SLC4A5: variants seen among roughly 807,000 people sequenced by gnomAD.
The protein encoded by SLC4A5 is electrogenic sodium bicarbonate cotransporter 4.
In SLC4A5, 96 loss-of-function variants were observed where a neutral mutation model predicts 120.4. The observed-to-expected ratio is 0.80, with a 90% CI of 0.68 to 0.94. The LOEUF (loss-of-function observed/expected upper bound fraction) is 0.94. SLC4A5 is among the 40% of genes least tolerant of loss of function. The pLI is 0.00. For missense variants in SLC4A5, 1,259 were observed against 1,459.5 expected (o/e 0.86, Z 2.24); for synonymous variants, 550 against 571.1 (o/e 0.96, Z 0.53).
At chr2:74,314,955 C>T (rs370912154) in exon 6 of SLC4A5, 64 of 1,613,550 alleles carry the variant, frequency 4.0e-5, no homozygotes, top group African/African-American at 2.3e-4. Context: ...CTTTCTGATC[C>T]GGAAATCTCC....
At chr2:74,339,524 G>A (rs550673253) in intron 2 of SLC4A5, 2 of 152,176 alleles carry the variant, frequency 1.3e-5, no homozygotes, top group African/African-American at 4.8e-5. Context: ...TATGGGTACA[G>A]TATGGTCTCT....
chr2:74,261,712 T>C (rs1262164794), intron 11 of SLC4A5, among the ~76,000 whole-genome samples: 2 of 152,288 alleles, frequency 1.3e-5, no homozygotes, highest in East Asian at 3.9e-4. Flanking sequence ...TTCTTCTCCA[T>C]GGTGGCATGA....
intron 18 of SLC4A5, 83 bp from the exon 19 acceptor site, chr2:74,247,390 T>C: frequency 1.4e-6 from 2 of 1,433,906 alleles, no homozygotes; most frequent in Non-Finnish European, 9.4e-7. Flanking sequence ...CTTAAGTGGC[T>C]TATCTGTCCT....
chr2:74,253,902 T>C (rs1444395040), intron 14 of SLC4A5, among the ~76,000 whole-genome samples: 2 of 152,232 alleles, frequency 1.3e-5, no homozygotes, highest in Non-Finnish European at 2.9e-5. Context: ...GATTGAGAGT[T>C]AGTGTATTTT....
At chr2:74,247,252 C>G (rs755810936) in exon 19 of SLC4A5, 1 of 1,614,186 alleles carries the variant, frequency 6.2e-7, no homozygotes. Flanking sequence ...AGGCACTGGA[C>G]AGCTGAGTGT....
At chr2:74,283,838 CTTTTT>C (rs1215361312) in intron 8 of SLC4A5, among the ~76,000 whole-genome samples, 1 of 139,246 alleles carries the variant, frequency 7.2e-6, no homozygotes, top group African/African-American at 2.7e-5. Flanking sequence ...AATCTTATTC[CTTTTT>C]TTTTTTTTTT....
chr2:74,324,694 T>C (rs889141902), intron 5 of SLC4A5, among the ~76,000 whole-genome samples: 6 of 152,250 alleles, frequency 3.9e-5, no homozygotes, highest in Non-Finnish European at 7.4e-5. Flanking sequence ...AGATTTTTTT[T>C]CCCATAGACA....
chr2:74,298,137 GATTA>G (rs1409973667), intron 7 of SLC4A5, among the ~76,000 whole-genome samples: 3 of 152,184 alleles, frequency 2.0e-5, no homozygotes, highest in African/African-American at 7.2e-5. Context: ...TTGGTGTGAG[GATTA>G]ATTGAGAAGA....
chr2:74,297,280 A>G (rs1672358650), intron 7 of SLC4A5, among the ~76,000 whole-genome samples: 1 of 152,218 alleles, frequency 6.6e-6, no homozygotes, highest in Non-Finnish European at 1.5e-5. Context: ...ACCATGCACC[A>G]TGTGAGGTAT....
intron 20 of SLC4A5, among the ~76,000 whole-genome samples, chr2:74,240,319 C>T (rs1268723864): frequency 6.6e-6 from 1 of 152,152 alleles, no homozygotes; most frequent in Non-Finnish European, 1.5e-5. Context: ...CAGCAGCCTC[C>T]TTTCCTGCCT....
At chr2:74,266,018 A>G (rs961111293) in intron 8 of SLC4A5, among the ~76,000 whole-genome samples, 11 of 152,306 alleles carry the variant, frequency 7.2e-5, no homozygotes, top group African/African-American at 2.6e-4. Context: ...GCTCCAATCT[A>G]TTGCAACTGA....
At chr2:74,289,478 G>T (rs527520318) in intron 7 of SLC4A5, among the ~76,000 whole-genome samples, 254 of 152,148 alleles carry the variant, frequency 1.7e-3, no homozygotes, top group African/African-American at 5.7e-3. Context: ...CACCATGCCT[G>T]GCTAATTTTT....
chr2:74,313,586 C>T (rs1244048617), intron 6 of SLC4A5, among the ~76,000 whole-genome samples: 1 of 152,164 alleles, frequency 6.6e-6, no homozygotes, highest in Non-Finnish European at 1.5e-5. Flanking sequence ...ATGAAGAAAA[C>T]GAAGTGGAGA....
At chr2:74,234,457 G>A (rs1670205867) in intron 22 of SLC4A5, among the ~76,000 whole-genome samples, 1 of 152,194 alleles carries the variant, frequency 6.6e-6, no homozygotes, top group African/African-American at 2.4e-5. Context: ...GATTATAGGC[G>A]TGAGCCACCG....
intron 4 of SLC4A5, among the ~76,000 whole-genome samples, chr2:74,332,714 T>C (rs1399564614): frequency 2.6e-5 from 4 of 151,888 alleles, no homozygotes; most frequent in South Asian, 2.1e-4. Flanking sequence ...TGTGTGTGTG[T>C]GTGTGTGTGT....
intron 10 of SLC4A5, 100 bp downstream of exon 10, chr2:74,264,047 T>A: frequency 6.9e-7 from 1 of 1,444,462 alleles, no homozygotes; most frequent in Non-Finnish European, 9.3e-7. Context: ...CATCAGAATT[T>A]CTCCAGAAAC....
chr2:74,247,102 T>C (rs1670636556), exon 19 of SLC4A5: 3 of 1,613,998 alleles, frequency 1.9e-6, no homozygotes, highest in East Asian at 2.2e-5. Context: ...TCCATATTGA[T>C]AGGGTAGTAC....
chr2:74,307,712 G>T, intron 6 of SLC4A5: 1 of 796,306 alleles, frequency 1.3e-6, no homozygotes, highest in Non-Finnish European at 2.1e-6. Context: ...CAGTCTCCAG[G>T]CTCCTCACTG....
At chr2:74,275,725 G>C (rs977235266) in intron 8 of SLC4A5, among the ~76,000 whole-genome samples, 1 of 152,206 alleles carries the variant, frequency 6.6e-6, no homozygotes, top group African/African-American at 2.4e-5. Flanking sequence ...AGCTTACTGA[G>C]GGCTTTCTAT....
Sources: gnomAD v4.1 joint callset for allele counts (sites outside exome capture counted in the v4.1 genomes callset) on GRCh38, gnomAD v4.1.1 for gene constraint, MANE v1.5 for transcripts, NCBI Gene and HGNC (gene_info 2026-07-23, HGNC 2026-07-21) for gene names.